PXDN: variants seen among roughly 807,000 people sequenced by gnomAD.
PXDN encodes the protein peroxidasin, also known as peroxidasin homolog.
Under a neutral mutation model 140.3 loss-of-function variants are expected in PXDN, and 77 were observed. That is an observed-to-expected ratio of 0.55 (90% CI 0.46 to 0.66). The LOEUF is 0.66. Among genes scored for constraint, PXDN ranks in the 30% least tolerant of loss-of-function variants. The probability of loss-of-function intolerance (pLI) is 0.00; values close to 1 mark genes in which losing one functional copy is unlikely to be tolerated. For missense variants in PXDN, 1,838 were observed against 2,039.5 expected, an observed-to-expected ratio of 0.90 and a Z score of 1.90; for synonymous variants, 911 against 857.4, an observed-to-expected ratio of 1.06 and a Z score of -1.09.
In PXDN at chr2:1,666,222, A is replaced by G; in HGVS notation, c.1283T>C (p.Ile428Thr). The G allele has an allele frequency of 6.2e-7, 1 of 1,613,854 alleles. No individual in the cohort carries two copies. The highest frequency in any genetic ancestry group is 8.5e-7 in the Non-Finnish European group (1 of 1,179,722). ...AGAGGATGGATACCCACCCTGGACG[A>G]TGATGAAAGCGGTGGCATGGACGCT... The part of the protein sequence containing the change: ...IDSVHATAFI[I>T]VQALPQFTVT... Residue 428 changes from isoleucine (I) to threonine (T), a missense_variant, in exon 10 of 23, where the codon ATC (isoleucine) becomes ACC (threonine). By Grantham distance (89) the Ile-to-Thr change is moderately conservative. Transcript: ENST00000252804.
intron 1 of PXDN, among the ~76,000 whole-genome samples, chr2:1,743,433 C>A (rs560008979): frequency 4.2e-4 from 64 of 152,170 alleles, no homozygotes; most frequent in African/African-American, 1.5e-3. Context: ...TCGCTCCGGG[C>A]GCAGGAAAAG....
At chr2:1,682,426 C>T (rs1202774205) in intron 6 of PXDN, among the ~76,000 whole-genome samples, 4 of 152,150 alleles carry the variant, frequency 2.6e-5, no homozygotes, top group Non-Finnish European at 5.9e-5. Context: ...AAACAAATCA[C>T]ATAAGACCAC....
Position 1,663,869 on chromosome 2 carries a change from C to T in PXDN, c.1409-106G>A, listed in dbSNP as rs115673433. 5.7e-4 allele frequency: 829 copies of T among 1,451,098 alleles called. 9 individuals are homozygous for T. In the African/African-American group the frequency reaches 0.01, roughly 18 times the overall value. The allele number at this position is 1,451,098 out of a possible 1,614,324, so 89.9% of individuals were successfully genotyped here. A position where few individuals can be genotyped will look rare whatever the true frequency, so the allele number is the denominator to read the frequency against. ...AAGCTTGTCTCCACCTGGGTCGGGG[C>T]GCCGGATAATTTGGCCTGGCCCTGC... On this transcript the variant is annotated intron_variant, in intron 11 of 22. Transcript: ENST00000252804.
intron 7 of PXDN, among the ~76,000 whole-genome samples, chr2:1,679,306 CTGTG>C (rs767049824): frequency 2.2e-5 from 3 of 134,480 alleles, no homozygotes; most frequent in South Asian, 2.4e-4. Context: ...TGGTTTATGT[CTGTG>C]TGTCTATAAA....
At chr2:1,659,787 T>G (rs2125421937) in intron 14 of PXDN, among the ~76,000 whole-genome samples, 1 of 152,352 alleles carries the variant, frequency 6.6e-6, no homozygotes, top group South Asian at 2.1e-4. Flanking sequence ...TAAGGTCACT[T>G]AAGACTTTTC....
Position 1,639,189 on chromosome 2 carries a change from C to T in PXDN, c.4073+113G>A. ...CTGGCCCCCAGTGCCCTGGGACGTC[C>T]CTGCCAGGAACCATCCTCGCCACAG... On this transcript the variant is annotated intron_variant, in intron 20 of 22. Coordinates refer to ENST00000252804, the MANE Select transcript of PXDN (RefSeq NM_012293.3). The surrounding 1 kb of genome is among the most constrained non-coding windows in gnomAD (Gnocchi z 5.0). The T allele has an allele frequency of 2.0e-6, 3 of 1,510,482 alleles. No homozygotes were observed. The highest frequency in any genetic ancestry group is 2.7e-6 in the Non-Finnish European group (3 of 1,122,338). The allele number at this position is 1,510,482 out of a possible 1,614,324, so 93.6% of individuals were successfully genotyped here. A position where few individuals can be genotyped will look rare whatever the true frequency, so the allele number is the denominator to read the frequency against.
Position 1,714,198 on chromosome 2 carries a change from C to T in PXDN, c.201-21064G>A, listed in dbSNP as rs983189764. Among the ~76,000 whole-genome samples, 47 of 152,344 alleles carry T rather than the reference C, an allele frequency of 3.1e-4. No homozygotes were observed. Among genetic ancestry groups the T allele is most frequent in the Admixed American group, 5.2e-4 (8 of 15,306 alleles). On this transcript the variant is annotated intron_variant, in intron 1 of 22. Transcript: ENST00000252804. This position sits in a 1 kb window ranked among gnomAD's most constrained non-coding sequence, Gnocchi z 4.3. ...CTCATTTATTGCTCTTACATCTGCA[C>T]TTGATTACTATGGATTTACACGTCA...
chr2:1,707,852 A>G (rs13401942), intron 1 of PXDN, among the ~76,000 whole-genome samples: 38,625 of 151,950 alleles, frequency 0.25, 5,408 homozygotes, highest in African/African-American at 0.34. Flanking sequence ...AAGAATCACC[A>G]TTTAAGAGGA....
chr2:1,670,967 G>A (rs554926994), intron 9 of PXDN, among the ~76,000 whole-genome samples: 371 of 152,312 alleles, frequency 2.4e-3, no homozygotes, highest in Non-Finnish European at 4.4e-3. Context: ...ACATCAGGCA[G>A]AAGGAAGGTG....
At chr2:1,658,431 C>A (rs1326051436) in intron 14 of PXDN, among the ~76,000 whole-genome samples, 1 of 152,002 alleles carries the variant, frequency 6.6e-6, no homozygotes, top group Non-Finnish European at 1.5e-5. Flanking sequence ...AGTCCCCCCA[C>A]AGTGCAAGCC....
chr2:1,741,748 ATATAG>A (rs1447842356), intron 1 of PXDN, among the ~76,000 whole-genome samples: 1 of 152,162 alleles, frequency 6.6e-6, no homozygotes, highest in Non-Finnish European at 1.5e-5. Flanking sequence ...AAATTTTCAT[ATATAG>A]TATATTCCCA....
chr2:1,701,257 C>G (rs1684421088), intron 1 of PXDN, among the ~76,000 whole-genome samples: 1 of 152,226 alleles, frequency 6.6e-6, no homozygotes. Flanking sequence ...GATGGCAGTG[C>G]TTTACCACAG....
At chr2:1,691,865 C>T in intron 3 of PXDN, 63 bp downstream of exon 3, 1 of 1,056,524 alleles carries the variant, frequency 9.5e-7, no homozygotes, top group South Asian at 1.7e-5. Context: ...CGAAATTTAG[C>T]TCTATTTTTA....
chr2:1,644,811 C>T (rs1682814680), intron 17 of PXDN, 59 bp from the exon 18 acceptor site: 1 of 1,335,334 alleles, frequency 7.5e-7, no homozygotes, highest in East Asian at 2.8e-5. Flanking sequence ...GTAAAAAATA[C>T]AGCAAATATA....
chr2:1,643,024 T>C (rs1179713683), intron 19 of PXDN, among the ~76,000 whole-genome samples: 1 of 152,250 alleles, frequency 6.6e-6, no homozygotes, highest in African/African-American at 2.4e-5. Flanking sequence ...GATTTTCGTC[T>C]TTTATCTGGC....
chr2:1,727,841 A>G (rs1023870542), intron 1 of PXDN, among the ~76,000 whole-genome samples: 1 of 152,240 alleles, frequency 6.6e-6, no homozygotes, highest in Non-Finnish European at 1.5e-5. Flanking sequence ...CTAGTCTGAA[A>G]GGCAAGATAT....
At position 1,649,901 on chromosome 2, in the gene PXDN, G is replaced by A. The variant is rs149293402; in HGVS notation, c.2105-226C>T. Among the ~76,000 whole-genome samples, 46 of 152,146 alleles carry A rather than the reference G, an allele frequency of 3.0e-4. No individual in the cohort carries two copies. The highest frequency in any genetic ancestry group is 1.1e-3 in the African/African-American group (45 of 41,510). ...CCCAAACACAGGTATTCTCTCCACA[G>A]CCCCAGTTTCTGGGCCCTGTCTCCC... On this transcript the variant is annotated intron_variant, in intron 16 of 22. Transcript: ENST00000252804. This position sits in a 1 kb window ranked among gnomAD's most constrained non-coding sequence, Gnocchi z 7.1.
At chr2:1,708,191 T>A (rs1338613749) in intron 1 of PXDN, among the ~76,000 whole-genome samples, 1 of 152,258 alleles carries the variant, frequency 6.6e-6, no homozygotes, top group African/African-American at 2.4e-5. Flanking sequence ...GCATGTGCCC[T>A]GGCGCAGGCC....
intron 16 of PXDN, among the ~76,000 whole-genome samples, chr2:1,650,316 GC>G (rs1426510469): frequency 6.6e-6 from 1 of 152,096 alleles, no homozygotes; most frequent in Non-Finnish European, 1.5e-5. Context: ...AGGGCCTCCT[GC>G]CTGGTGGAGG....
Sources: allele counts gnomAD v4.1 joint callset (sites outside exome capture counted in the v4.1 genomes callset), GRCh38; gene constraint gnomAD v4.1.1; non-coding constraint Gnocchi (gnomAD v3.1); transcripts MANE v1.5; gene names NCBI Gene and HGNC (gene_info 2026-07-23, HGNC 2026-07-21).